The following AGO3 variants were observed in gnomAD, a reference collection of about 807,000 sequenced individuals.
AGO3 encodes argonaute RISC catalytic component 3.
Under a neutral mutation model 105.5 loss-of-function variants are expected in AGO3, and 16 were observed. The observed-to-expected ratio is 0.15, with a 90% CI of 0.10 to 0.23. AGO3 has a LOEUF of 0.23. Among genes scored for constraint, AGO3 ranks in the 10% least tolerant of loss-of-function variants. AGO3 has a pLI of 1.00. For missense variants in AGO3, 534 were observed against 1,088.0 expected (o/e 0.49, Z 7.16); for synonymous variants, 340 against 367.3 (o/e 0.93, Z 0.85).
intron 17 of AGO3, among the ~76,000 whole-genome samples, chr1:36,049,205 G>A (rs1286361979): frequency 1.3e-5 from 2 of 152,106 alleles, no homozygotes; most frequent in South Asian, 4.2e-4. Context: ...CTAGAGAGGA[G>A]GGCAGGGGGG....
chr1:36,023,344 T>G (rs1226541388), intron 11 of AGO3, among the ~76,000 whole-genome samples: 1 of 152,176 alleles, frequency 6.6e-6, no homozygotes, highest in African/African-American at 2.4e-5. Context: ...GAGGTTCTAC[T>G]TCGGATCCCA....
chr1:36,043,605 AT>A, intron 17 of AGO3, 57 bp downstream of exon 17: 1 of 1,365,696 alleles, frequency 7.3e-7, no homozygotes, highest in Non-Finnish European at 1.0e-6. Context: ...TCTTACGTGT[AT>A]TTTTTAAATC....
chr1:36,041,180 A>G (rs1199386117), intron 16 of AGO3, among the ~76,000 whole-genome samples: 5 of 146,450 alleles, frequency 3.4e-5, no homozygotes. Flanking sequence ...GTGAATGTAT[A>G]TTTTTTATAA....
At position 36,022,265 on chromosome 1, in the gene AGO3, C is replaced by T. The variant is rs541086912; in HGVS notation, c.1407-4849C>T. 1.4e-4 allele frequency among the ~76,000 whole-genome samples: 21 copies of T among 152,062 alleles called. 1 individual carries two copies. In the South Asian group the frequency reaches 4.2e-3, roughly 30 times the overall value. ...CTTTTTTTGTAGAGACAAAATCTCA[C>T]TATGTTGCCCAGGCTAGTTTCAAAC... On this transcript the variant is annotated intron_variant, in intron 11 of 18. Transcript: ENST00000373191.
chr1:35,989,425 T>A (rs971958849), intron 5 of AGO3, among the ~76,000 whole-genome samples: 2 of 152,330 alleles, frequency 1.3e-5, no homozygotes, highest in South Asian at 4.1e-4. Context: ...CACAGTTCAG[T>A]TGGCAGGTTT....
At chr1:36,040,226 A>T (rs1423565521) in intron 15 of AGO3, 81 bp from the exon 16 acceptor site, 2 of 1,442,796 alleles carry the variant, frequency 1.4e-6, no homozygotes, top group Non-Finnish European at 1.9e-6. Flanking sequence ...AGGAATCCTG[A>T]GATTAAATCA....
Position 35,941,650 on chromosome 1 carries a change from C to T in AGO3, c.20-4042C>T, listed in dbSNP as rs541831226. Among the ~76,000 whole-genome samples, 10 of 152,220 alleles carry T rather than the reference C, an allele frequency of 6.6e-5. No individual in the cohort carries two copies. In the South Asian group the frequency reaches 1.7e-3, roughly 25 times the overall value. On this transcript the variant is annotated intron_variant, in intron 1 of 18. Transcript: ENST00000373191. ...AGTTTTCCTCATCTGTAAAATGATTCCTTCCTTTATAGGGTTGGTATGAAG... is the reference window on the plus strand; with the variant it reads ...AGTTTTCCTCATCTGTAAAATGATTTCTTCCTTTATAGGGTTGGTATGAAG...
chr1:35,955,780 A>C (rs1001210755), intron 2 of AGO3, among the ~76,000 whole-genome samples: 4 of 152,048 alleles, frequency 2.6e-5, no homozygotes, highest in Non-Finnish European at 5.9e-5. Context: ...TTTTTTATAG[A>C]AATGGGATTT....
intron 11 of AGO3, among the ~76,000 whole-genome samples, chr1:36,026,255 C>A (rs1417304535): frequency 6.6e-6 from 1 of 151,634 alleles, no homozygotes; most frequent in Non-Finnish European, 1.5e-5. Context: ...ACTACAGGTG[C>A]CTGCCACCAC....
intron 4 of AGO3, among the ~76,000 whole-genome samples, chr1:35,972,658 G>A (rs773771428): frequency 2.0e-5 from 3 of 151,604 alleles, no homozygotes; most frequent in Non-Finnish European, 4.4e-5. Context: ...GAGCGCATGT[G>A]TACCCGTGTA....
At chr1:35,961,408 A>G (rs1195940792) in intron 2 of AGO3, among the ~76,000 whole-genome samples, 3 of 152,078 alleles carry the variant, frequency 2.0e-5, no homozygotes, top group East Asian at 1.9e-4. Context: ...AGGTAGTGTA[A>G]TTTACTTTTG....
chr1:36,015,172 T>C (rs969678493), intron 11 of AGO3, among the ~76,000 whole-genome samples: 12 of 152,184 alleles, frequency 7.9e-5, no homozygotes, highest in Non-Finnish European at 1.5e-5. Context: ...CTCTTCAAGA[T>C]AGATTCGTCT....
chr1:35,982,816 T>G (rs1229614198), intron 5 of AGO3: 2 of 537,924 alleles, frequency 3.7e-6, no homozygotes, highest in Non-Finnish European at 6.7e-6. Flanking sequence ...GGTGTAGTAC[T>G]GGTACATGGA....
chr1:36,041,991 T>G (rs188486693), intron 16 of AGO3, among the ~76,000 whole-genome samples: 6 of 152,182 alleles, frequency 3.9e-5, no homozygotes, highest in African/African-American at 1.4e-4. Flanking sequence ...AGTGGTAGAA[T>G]AGAGAAGAAG....
In AGO3 at chr1:36,065,859, T is replaced by C. The variant is rs887710471; in HGVS notation, c.*10114T>C. 1.3e-5 allele frequency: 2 copies of C among 152,184 alleles called. No homozygotes were observed. The highest frequency in any genetic ancestry group is 4.8e-5 in the African/African-American group (2 of 41,380). The allele number at this position is 152,184 out of a possible 1,614,324, so 9.4% of individuals were successfully genotyped here. The stretch of plus-strand genomic sequence containing the variant: ...GGCTCACACCTGTAATCCCAACACT[T>C]TGGGCAGCTGAGGTGAGCAGATCAC... On this transcript the variant is annotated 3_prime_UTR_variant, in exon 19 of 19. Coordinates refer to ENST00000373191, the MANE Select transcript of AGO3 (RefSeq NM_024852.4).
intron 1 of AGO3, among the ~76,000 whole-genome samples, chr1:35,936,832 A>G (rs1193736556): frequency 1.3e-5 from 2 of 152,150 alleles, no homozygotes; most frequent in Admixed American, 6.5e-5. Flanking sequence ...TCAGCCTCCC[A>G]AAATGCTGGG....
chr1:35,934,660 T>A (rs186202854), intron 1 of AGO3, among the ~76,000 whole-genome samples: 17 of 152,282 alleles, frequency 1.1e-4, no homozygotes, highest in African/African-American at 3.6e-4. Flanking sequence ...TTATTTATTT[T>A]TTTTGAGATG....
At chr1:36,022,955 AG>A in intron 11 of AGO3, among the ~76,000 whole-genome samples, 1 of 141,314 alleles carries the variant, frequency 7.1e-6, no homozygotes, top group African/African-American at 2.5e-5. Context: ...CAAAAAAAAA[AG>A]AGAAACAAAG....
At chr1:35,963,135 G>A (rs1646708225) in intron 2 of AGO3, among the ~76,000 whole-genome samples, 2 of 152,168 alleles carry the variant, frequency 1.3e-5, no homozygotes, top group Non-Finnish European at 2.9e-5. Flanking sequence ...CTGTTTCTGT[G>A]TCTGTAAGCA....
Sources: allele counts gnomAD v4.1 joint callset (sites outside exome capture counted in the v4.1 genomes callset), GRCh38; gene constraint gnomAD v4.1.1; transcripts MANE v1.5; gene names NCBI Gene and HGNC (gene_info 2026-07-23, HGNC 2026-07-21).